The following PHYH variants were observed in gnomAD, a reference collection of about 807,000 sequenced individuals.
PHYH encodes phytanoyl-CoA dioxygenase, peroxisomal.
A neutral mutation model predicts 38.5 loss-of-function variants in PHYH; 32 were observed. That is an observed-to-expected ratio of 0.83 (90% CI 0.63 to 1.12). PHYH has a LOEUF of 1.12. PHYH is among the 50% of genes most tolerant of loss of function. The pLI is 0.00. For missense variants in PHYH, 426 were observed against 434.8 expected, an observed-to-expected ratio of 0.98 and a Z score of 0.18; for synonymous variants, 166 against 157.9, an observed-to-expected ratio of 1.05 and a Z score of -0.38.
At chr10:13,282,288 T>C (rs1835430552) in intron 7 of PHYH, among the ~76,000 whole-genome samples, 1 of 151,662 alleles carries the variant, frequency 6.6e-6, no homozygotes, top group South Asian at 2.1e-4. Context: ...TGTTTTAAAA[T>C]AAAAGCATTA....
At position 13,284,222 on chromosome 10, in the gene PHYH, C is replaced by T. The variant is rs111542127; in HGVS notation, c.679-383G>A. ...CCTGTGGTCCCAGCTACTCAGGAGG[C>T]TGAGGTGGGAGGATCGATTGAGCCG... On this transcript the variant is annotated intron_variant, in intron 6 of 8. Transcript: ENST00000263038. Among the ~76,000 whole-genome samples the T allele has an allele frequency of 2.5e-3, 377 of 152,136 alleles. 2 individuals are homozygous for T. The highest frequency in any genetic ancestry group is 8.4e-3 in the African/African-American group (350 of 41,490).
chr10:13,279,155 C>T (rs1027575169), intron 8 of PHYH, among the ~76,000 whole-genome samples: 2 of 152,114 alleles, frequency 1.3e-5, no homozygotes, highest in South Asian at 2.1e-4. Flanking sequence ...TGTGCCACCA[C>T]ACCCGGCTAA....
At chr10:13,286,695 G>A (rs1215773381) in intron 6 of PHYH, among the ~76,000 whole-genome samples, 4 of 85,052 alleles carry the variant, frequency 4.7e-5, no homozygotes, top group South Asian at 3.8e-4. Flanking sequence ...GTGAGACTCT[G>A]TCTCAAAAAA....
In PHYH at chr10:13,278,060, G is replaced by A. The variant is rs751374939; in HGVS notation, c.*241C>T. ...AATTAGACACCAACCACCTTTATTG[G>A]CTGCCACCCTAAATTAGTTTTCCTT... On this transcript the variant is annotated 3_prime_UTR_variant, in exon 9 of 9. Transcript: ENST00000263038. 8.2e-6 allele frequency: 4 copies of A among 490,648 alleles called. No individual in the cohort carries two copies. Among genetic ancestry groups the A allele is most frequent in the Admixed American group, 3.3e-5 (1 of 30,132 alleles). The allele number at this position is 490,648 out of a possible 1,614,324, so 30.4% of individuals were successfully genotyped here. A position where few individuals can be genotyped will look rare whatever the true frequency, so the allele number is the denominator to read the frequency against.
chr10:13,298,723 CT>C (rs1832645207), intron 1 of PHYH, among the ~76,000 whole-genome samples: 8 of 82,022 alleles, frequency 9.8e-5, no homozygotes, highest in East Asian at 5.1e-4. Context: ...ACCACCACTA[CT>C]ACTACTACTA....
In PHYH at chr10:13,281,038, C is replaced by T. The variant is rs751411612; in HGVS notation, c.901G>A (p.Glu301Lys). ...DVKGTSQENI[E>K]KEVVGIAHKF... ...TGTGCTATTCCTACAACTTCCTTCT[C>T]GATGTTTTCTTGACTGGTGCCCTTC... The change falls in exon 8 of 9, where the codon GAG becomes AAG. Residue 301 changes from glutamate to lysine, a missense_variant. Glu to Lys is a moderately conservative substitution (Grantham distance 56, BLOSUM62 1). Transcript: ENST00000263038. 8.1e-6 allele frequency: 13 copies of T among 1,613,952 alleles called. No homozygotes were observed. In the Admixed American group the frequency reaches 1.0e-4, roughly 12 times the overall value.
chr10:13,286,133 A>T (rs1401971914), intron 6 of PHYH, among the ~76,000 whole-genome samples: 1 of 152,022 alleles, frequency 6.6e-6, no homozygotes, highest in Non-Finnish European at 1.5e-5. Flanking sequence ...GCTGGTCCTG[A>T]ACTCCTGGGC....
In PHYH at chr10:13,281,083, C is replaced by T. The variant is rs538686726; in HGVS notation, c.856G>A (p.Asp286Asn). Reference protein sequence around the residue: ...KAISCHFASADCHYIDVKGTS... With the variant: ...KAISCHFASANCHYIDVKGTS... Reference sequence around the variant, plus strand: ...CCCTTCACGTCAATGTAGTGGCAATCGGCACTGGCGAAATGGCAGGAAATT... The same window carrying T: ...CCCTTCACGTCAATGTAGTGGCAATTGGCACTGGCGAAATGGCAGGAAATT... Residue 286 changes from aspartate to asparagine, a missense_variant, in exon 8 of 9, where the codon GAT becomes AAT. Asp to Asn is a conservative substitution (Grantham distance 23). Transcript: ENST00000263038. The T allele has an allele frequency of 5.8e-5, 93 of 1,614,150 alleles. 3 individuals are homozygous for T. The South Asian group carries it at 8.2e-4, about 14-fold the overall frequency.
At chr10:13,295,831 CAAAA>C (rs10612459) in intron 2 of PHYH, among the ~76,000 whole-genome samples, 53 of 135,890 alleles carry the variant, frequency 3.9e-4, no homozygotes, top group Admixed American at 1.4e-3. Context: ...GACCCTGTCT[CAAAA>C]AAAAAAAAAA....
intron 6 of PHYH, among the ~76,000 whole-genome samples, chr10:13,285,606 CTT>C (rs36040564): frequency 1.3e-4 from 16 of 127,486 alleles, no homozygotes; most frequent in Admixed American, 3.2e-4. Context: ...CTTTTCTTTT[CTT>C]TTTTTTTTTT....
intron 4 of PHYH, 45 bp downstream of exon 4, chr10:13,294,383 A>G (rs1404984276): frequency 1.9e-6 from 3 of 1,590,892 alleles, no homozygotes; most frequent in South Asian, 1.1e-5. Context: ...AGGCAGACAT[A>G]CACACTGGCA....
chr10:13,278,390 C>A, intron 8 of PHYH, 36 bp from the exon 9 acceptor site: 1 of 1,433,054 alleles, frequency 7.0e-7, no homozygotes, highest in Non-Finnish European at 9.9e-7. Context: ...GTTTATGGAA[C>A]ACTTCAATCT....
In PHYH at chr10:13,288,531, C is replaced by G; in HGVS notation, c.507G>C (p.Thr169=). 6.2e-7 allele frequency: 1 copy of G among 1,614,044 alleles called. No individual in the cohort carries two copies. The highest frequency in any genetic ancestry group is 8.5e-7 in the Non-Finnish European group (1 of 1,180,014). Residue 169 remains threonine (T), a synonymous_variant, in exon 6 of 9, where the codon ACG becomes ACC. Coordinates refer to ENST00000263038, the MANE Select transcript of PHYH (RefSeq NM_006214.4). The part of the protein sequence containing the change: ...INKPPDSGKK[T]SRHPLHQDLH... ...GGTCCTGGTGCAGGGGGTGACGGGA[C>G]GTCTTCTTGCCTGAAAAGAAAACCT...
intron 1 of PHYH, among the ~76,000 whole-genome samples, chr10:13,299,171 C>T (rs982214032): frequency 1.3e-5 from 2 of 150,968 alleles, no homozygotes; most frequent in Non-Finnish European, 2.9e-5. Context: ...CTAGAAATTC[C>T]TTTTAAAGAT....
intron 6 of PHYH, among the ~76,000 whole-genome samples, chr10:13,287,864 TC>T (rs964360226): frequency 6.6e-6 from 1 of 152,082 alleles, no homozygotes; most frequent in African/African-American, 2.4e-5. Flanking sequence ...CTACCCAAGC[TC>T]CCCACCTTGG....
chr10:13,281,870 T>C (rs1434581630), intron 7 of PHYH, among the ~76,000 whole-genome samples: 3 of 152,230 alleles, frequency 2.0e-5, no homozygotes, highest in Non-Finnish European at 4.4e-5. Context: ...TACGGCACTG[T>C]AACAGAGCCC....
chr10:13,296,750 ATC>A (rs1346817022), intron 2 of PHYH, among the ~76,000 whole-genome samples: 3 of 124,034 alleles, frequency 2.4e-5, no homozygotes, highest in African/African-American at 1.0e-4. Flanking sequence ...ACGAGGTCAG[ATC>A]GGGACCATCC....
At chr10:13,282,486 C>G (rs190580637) in intron 7 of PHYH, among the ~76,000 whole-genome samples, 6 of 149,118 alleles carry the variant, frequency 4.0e-5, no homozygotes, top group Admixed American at 6.7e-5. Flanking sequence ...CAGCTACTCA[C>G]GAGGCTGAGG....
At chr10:13,289,485 A>G (rs970520807) in intron 5 of PHYH, among the ~76,000 whole-genome samples, 15 of 152,056 alleles carry the variant, frequency 9.9e-5, no homozygotes, top group East Asian at 3.9e-4. Flanking sequence ...GTGAGCCACC[A>G]CGCCCGGCCT....
Sources: allele counts gnomAD v4.1 joint callset (sites outside exome capture counted in the v4.1 genomes callset), GRCh38; gene constraint gnomAD v4.1.1; transcripts MANE v1.5; gene names NCBI Gene and HGNC (gene_info 2026-07-23, HGNC 2026-07-21).